The following CMSS1 variants were observed in gnomAD, a reference collection of about 807,000 sequenced individuals.
CMSS1 encodes the protein cms1 ribosomal small subunit homolog.
CMSS1 carries 33 observed loss-of-function variants against 43.5 expected under a neutral mutation model. The observed-to-expected ratio is 0.76, with a 90% CI of 0.57 to 1.01. CMSS1 has a LOEUF of 1.01. Ranked by LOEUF, CMSS1 falls within the 50% of genes least tolerant of loss-of-function variation. The pLI is 0.00. For missense variants in CMSS1, 313 were observed against 326.4 expected (o/e 0.96, Z 0.32); for synonymous variants, 115 against 117.2 (o/e 0.98, Z 0.12).
At chr3:100,083,872 C>T (rs541738251) in intron 1 of CMSS1, among the ~76,000 whole-genome samples, 5 of 152,190 alleles carry the variant, frequency 3.3e-5, no homozygotes, top group Admixed American at 1.3e-4. Flanking sequence ...CGGTGCCTGG[C>T]GTGATTCTTG....
At chr3:99,968,372 C>G (rs975048049) in intron 1 of CMSS1, among the ~76,000 whole-genome samples, 1 of 149,888 alleles carries the variant, frequency 6.7e-6, no homozygotes, top group African/African-American at 2.5e-5. Flanking sequence ...GTTTTGCTGT[C>G]TTGTTTACTG....
chr3:99,890,814 A>G (rs1706060748), intron 1 of CMSS1, among the ~76,000 whole-genome samples: 1 of 151,668 alleles, frequency 6.6e-6, no homozygotes, highest in Non-Finnish European at 1.5e-5. Context: ...TGATTCTGCC[A>G]TTTAATGTCA....
chr3:99,967,588 A>G (rs1708692234), intron 1 of CMSS1, among the ~76,000 whole-genome samples: 1 of 152,190 alleles, frequency 6.6e-6, no homozygotes, highest in Admixed American at 6.5e-5. Context: ...GAAATCCCAC[A>G]TATGCAATTG....
chr3:100,159,889 G>C (rs1282928212), intron 2 of CMSS1: 2 of 456,560 alleles, frequency 4.4e-6, no homozygotes, highest in East Asian at 1.4e-4. Flanking sequence ...TATAGCAAAG[G>C]CATTTGATGC....
intron 1 of CMSS1, among the ~76,000 whole-genome samples, chr3:100,029,586 G>C (rs1280160442): frequency 2.0e-5 from 3 of 152,102 alleles, no homozygotes; most frequent in African/African-American, 7.2e-5. Context: ...TGAGCTTAAG[G>C]TTTATTCCAG....
intron 1 of CMSS1, among the ~76,000 whole-genome samples, chr3:100,117,998 C>T (rs2066590708): frequency 6.6e-6 from 1 of 150,608 alleles, no homozygotes; most frequent in African/African-American, 2.4e-5. Flanking sequence ...AGGACAGATA[C>T]TGTTATGATT....
chr3:99,920,285 C>T (rs986187169), intron 1 of CMSS1, among the ~76,000 whole-genome samples: 2 of 151,694 alleles, frequency 1.3e-5, no homozygotes, highest in African/African-American at 4.8e-5. Flanking sequence ...AGCCTTTTGC[C>T]CCATTGAAAC....
intron 1 of CMSS1, among the ~76,000 whole-genome samples, chr3:99,973,260 A>C (rs1348515297): frequency 1.3e-5 from 2 of 152,308 alleles, no homozygotes; most frequent in Non-Finnish European, 2.9e-5. Flanking sequence ...TGATCTCATT[A>C]GTGGATGTTA....
At chr3:100,144,395 G>C (rs987642069) in intron 1 of CMSS1, among the ~76,000 whole-genome samples, 1 of 152,202 alleles carries the variant, frequency 6.6e-6, no homozygotes, top group African/African-American at 2.4e-5. Flanking sequence ...CAGCCAGGAG[G>C]GGATGGAAGT....
At chr3:99,818,129 G>T (rs1046564353) in intron 1 of CMSS1, 86 bp downstream of exon 1, 17 of 1,346,228 alleles carry the variant, frequency 1.3e-5, no homozygotes, top group African/African-American at 4.3e-5. Flanking sequence ...GGCGATCGCG[G>T]TGTTTGCCCA....
chr3:100,092,133 C>T (rs1354950155), intron 1 of CMSS1, among the ~76,000 whole-genome samples: 1 of 152,198 alleles, frequency 6.6e-6, no homozygotes, highest in East Asian at 1.9e-4. Context: ...CATACTTCCT[C>T]ACACATTTTT....
intron 1 of CMSS1, among the ~76,000 whole-genome samples, chr3:100,123,825 T>C (rs984489952): frequency 4.6e-5 from 7 of 152,266 alleles, no homozygotes. Context: ...CTAGATCTGC[T>C]ATCATTTTCA....
chr3:100,100,402 C>A (rs768430402), intron 1 of CMSS1, among the ~76,000 whole-genome samples: 1 of 152,158 alleles, frequency 6.6e-6, no homozygotes, highest in Non-Finnish European at 1.5e-5. Context: ...TATTATCAGA[C>A]CCTGCAAAGT....
intron 1 of CMSS1, among the ~76,000 whole-genome samples, chr3:100,054,455 T>A (rs954514905): frequency 3.9e-5 from 6 of 152,082 alleles, no homozygotes; most frequent in African/African-American, 1.2e-4. Flanking sequence ...CATGAGCCAG[T>A]CTGACCTGCT....
chr3:100,109,915 C>A lies in CMSS1; in HGVS notation c.65-37058C>A, dbSNP rs1408695584. ...TGTTTCTTTTATGACCCCCCCCCCC[C>A]AGCACCACCCCCCAGCCAAAGAATC... On this transcript the variant is annotated intron_variant, in intron 1 of 9. Transcript: ENST00000421999. 3.5e-4 allele frequency: 36 copies of A among 103,832 alleles called. 1 individual carries two copies. The highest frequency in any genetic ancestry group is 1.3e-3 in the African/African-American group (32 of 25,264). 6.4% of individuals were successfully genotyped at this position (103,832 alleles called of 1,614,324 possible).
At chr3:100,066,488 A>AAG (rs1224090385) in intron 1 of CMSS1, among the ~76,000 whole-genome samples, 1 of 147,644 alleles carries the variant, frequency 6.8e-6, no homozygotes, top group Non-Finnish European at 1.5e-5. Context: ...GTGGTGATTA[A>AAG]AGCAAGGATG....
At chr3:100,044,736 T>C (rs557345033) in intron 1 of CMSS1, among the ~76,000 whole-genome samples, 2 of 152,294 alleles carry the variant, frequency 1.3e-5, no homozygotes, top group Non-Finnish European at 2.9e-5. Flanking sequence ...ACTCTGATTA[T>C]TGTACCTCAT....
intron 1 of CMSS1, among the ~76,000 whole-genome samples, chr3:99,935,045 C>T (rs1397140261): frequency 6.6e-6 from 1 of 152,144 alleles, no homozygotes; most frequent in Admixed American, 6.5e-5. Flanking sequence ...CCTTGCCCCT[C>T]TGCCAATAAC....
chr3:100,097,605 T>C (rs1257202583), intron 1 of CMSS1, among the ~76,000 whole-genome samples: 1 of 152,216 alleles, frequency 6.6e-6, no homozygotes, highest in Non-Finnish European at 1.5e-5. Context: ...TGGATTTACA[T>C]CTAAAAGTGA....
Sources: gnomAD v4.1 joint callset for allele counts (sites outside exome capture counted in the v4.1 genomes callset) on GRCh38, gnomAD v4.1.1 for gene constraint, MANE v1.5 for transcripts, NCBI Gene and HGNC (gene_info 2026-07-23, HGNC 2026-07-21) for gene names.